Variants in PIP5K1B observed in about 807,000 individuals in gnomAD.
The protein encoded by PIP5K1B is phosphatidylinositol-4-phosphate 5-kinase type 1 beta, also known as phosphatidylinositol 4-phosphate 5-kinase type-1 beta.
A neutral mutation model predicts 67.0 loss-of-function variants in PIP5K1B; 42 were observed. That is an observed-to-expected ratio of 0.63 (90% CI 0.49 to 0.81). PIP5K1B has a LOEUF of 0.81. Among genes scored for constraint, PIP5K1B ranks in the 30% least tolerant of loss-of-function variants. The pLI is 0.00. For synonymous variants in PIP5K1B, 214 were observed against 231.4 expected (o/e 0.92, Z 0.68); for missense variants, 459 against 646.3 (o/e 0.71, Z 3.14).
intron 2 of PIP5K1B, among the ~76,000 whole-genome samples, chr9:68,759,353 C>T (rs1249998968): frequency 6.6e-6 from 1 of 151,948 alleles, no homozygotes; most frequent in African/African-American, 2.4e-5. Context: ...TTTTACATTC[C>T]AGTTGAAGTG....
chr9:68,933,615 A>G (rs780317335), intron 12 of PIP5K1B, among the ~76,000 whole-genome samples: 31 of 152,110 alleles, frequency 2.0e-4, no homozygotes, highest in Non-Finnish European at 3.8e-4. Flanking sequence ...GCAAGCCACA[A>G]TCTTTCTATT....
At chr9:68,884,814 T>C (rs1824385903) in intron 6 of PIP5K1B, among the ~76,000 whole-genome samples, 1 of 152,282 alleles carries the variant, frequency 6.6e-6, no homozygotes, top group Non-Finnish European at 1.5e-5. Flanking sequence ...ATAACAAGTG[T>C]TTGGTGAGGA....
At chr9:68,928,766 A>G (rs968753759) in intron 12 of PIP5K1B, among the ~76,000 whole-genome samples, 1 of 152,204 alleles carries the variant, frequency 6.6e-6, no homozygotes, top group African/African-American at 2.4e-5. Context: ...ATTCCTATCT[A>G]CTTTTCTTGC....
intron 1 of PIP5K1B, among the ~76,000 whole-genome samples, chr9:68,709,747 G>A (rs2151417): frequency 0.73 from 110,691 of 152,054 alleles, 41,137 homozygotes; most frequent in African/African-American, 0.88. Context: ...CCCCATCTAT[G>A]CAAAAATAAA....
At chr9:68,812,415 A>G (rs954130132) in intron 2 of PIP5K1B, among the ~76,000 whole-genome samples, 1 of 152,258 alleles carries the variant, frequency 6.6e-6, no homozygotes, top group African/African-American at 2.4e-5. Flanking sequence ...GAAATAATAG[A>G]TAAGTAACTA....
At chr9:68,852,860 G>T (rs12346502) in intron 4 of PIP5K1B, among the ~76,000 whole-genome samples, 2,094 of 152,158 alleles carry the variant, frequency 0.014, 44 homozygotes, top group African/African-American at 0.048. Flanking sequence ...TGTGGACTAG[G>T]TCCTATCAAA....
At chr9:68,965,992 A>G (rs1006940803) in intron 14 of PIP5K1B, among the ~76,000 whole-genome samples, 3 of 148,930 alleles carry the variant, frequency 2.0e-5, no homozygotes, top group African/African-American at 7.5e-5. Context: ...AAAAAAAAAA[A>G]GCTATTTGTA....
chr9:68,793,167 G>A (rs561311247), intron 2 of PIP5K1B, among the ~76,000 whole-genome samples: 1 of 150,226 alleles, frequency 6.7e-6, no homozygotes, highest in Non-Finnish European at 1.5e-5. Context: ...CAGAGTTGTT[G>A]AAGGGAAAAA....
At chr9:68,762,383 C>T (rs767018529) in intron 2 of PIP5K1B, among the ~76,000 whole-genome samples, 2 of 152,050 alleles carry the variant, frequency 1.3e-5, no homozygotes, top group Non-Finnish European at 2.9e-5. Flanking sequence ...TGAACATGCT[C>T]ATTAAAATAG....
chr9:68,775,120 A>G (rs1830852971), intron 2 of PIP5K1B, among the ~76,000 whole-genome samples: 1 of 152,212 alleles, frequency 6.6e-6, no homozygotes, highest in African/African-American at 2.4e-5. Context: ...TTTCTGATGC[A>G]ACACATTGCC....
At chr9:68,822,573 G>A in intron 3 of PIP5K1B, 42 bp from the exon 4 acceptor site, 1 of 1,360,030 alleles carries the variant, frequency 7.4e-7, no homozygotes, top group Non-Finnish European at 1.0e-6. Context: ...TTGTATTTCA[G>A]AGTAACATTG....
chr9:68,922,412 G>A (rs929642676), intron 11 of PIP5K1B, among the ~76,000 whole-genome samples: 36 of 143,380 alleles, frequency 2.5e-4, no homozygotes, highest in Admixed American at 7.5e-5. Context: ...GCAGTGAGCC[G>A]AGATCCGCCA....
intron 11 of PIP5K1B, 88 bp downstream of exon 11, chr9:68,919,817 C>A: frequency 1.4e-6 from 1 of 717,332 alleles, no homozygotes; most frequent in Non-Finnish European, 2.4e-6. Flanking sequence ...TGTTGCTAGA[C>A]TCTAAGAGGA....
intron 14 of PIP5K1B, among the ~76,000 whole-genome samples, chr9:68,974,553 C>T (rs140528361): frequency 0.012 from 1,889 of 152,292 alleles, 22 homozygotes; most frequent in African/African-American, 0.031. Context: ...AAACTGCTTA[C>T]GTTCCTAGTG....
chr9:68,741,796 T>C (rs750379194), intron 1 of PIP5K1B, among the ~76,000 whole-genome samples: 2 of 152,200 alleles, frequency 1.3e-5, no homozygotes, highest in East Asian at 3.8e-4. Context: ...CAGTTATCAC[T>C]TTCTCCTCCA....
In PIP5K1B at chr9:68,889,304, A is replaced by G. The variant is rs554907600; in HGVS notation, c.471+171A>G. On this transcript the variant is annotated intron_variant, in intron 7 of 15. Transcript: ENST00000265382. Reference sequence around the variant, plus strand: ...TCATTGAATAGATTTTTTAAAGTAAACTAGAACTGAATGGCAGAGCATACT... The same window carrying G: ...TCATTGAATAGATTTTTTAAAGTAAGCTAGAACTGAATGGCAGAGCATACT... Among the ~76,000 whole-genome samples the G allele has an allele frequency of 6.6e-4, 100 of 152,316 alleles. 1 individual carries two copies. The highest frequency in any genetic ancestry group is 2.4e-3 in the African/African-American group (98 of 41,568).
At chr9:68,859,096 G>A (rs1379566498) in intron 4 of PIP5K1B, among the ~76,000 whole-genome samples, 1 of 152,192 alleles carries the variant, frequency 6.6e-6, no homozygotes, top group Non-Finnish European at 1.5e-5. Flanking sequence ...GCACACACTA[G>A]CTAAGGGATT....
At chr9:68,895,789 T>A (rs1382326904) in intron 8 of PIP5K1B, among the ~76,000 whole-genome samples, 1 of 152,154 alleles carries the variant, frequency 6.6e-6, no homozygotes, top group African/African-American at 2.4e-5. Flanking sequence ...TAGTCTAAGG[T>A]TTTTTTAATG....
chr9:68,719,992 G>T (rs1283439700), intron 1 of PIP5K1B, among the ~76,000 whole-genome samples: 1 of 152,130 alleles, frequency 6.6e-6, no homozygotes, highest in African/African-American at 2.4e-5. Context: ...ATTTTTGTTT[G>T]TTTCTTCATT....
Sources: allele counts gnomAD v4.1 joint callset (sites outside exome capture counted in the v4.1 genomes callset), GRCh38; gene constraint gnomAD v4.1.1; transcripts MANE v1.5; gene names NCBI Gene and HGNC (gene_info 2026-07-23, HGNC 2026-07-21).